Variants in MPHOSPH9 observed in about 807,000 individuals in gnomAD.
MPHOSPH9 encodes the protein M-phase phosphoprotein 9.
A neutral mutation model predicts 145.5 loss-of-function variants in MPHOSPH9; 88 were observed. The observed-to-expected ratio is 0.60, with a 90% CI of 0.51 to 0.72. MPHOSPH9 has a LOEUF of 0.72. MPHOSPH9 is among the 30% of genes least tolerant of loss of function. The pLI is 0.00. For synonymous variants in MPHOSPH9, 435 were observed against 486.2 expected (o/e 0.89, Z 1.39); for missense variants, 1,238 against 1,386.6 (o/e 0.89, Z 1.70).
chr12:123,224,434 G>A (rs974901803), intron 3 of MPHOSPH9, among the ~76,000 whole-genome samples: 3 of 151,558 alleles, frequency 2.0e-5, no homozygotes, highest in African/African-American at 4.8e-5. Context: ...GCACCCAGCC[G>A]AATTTTCATA....
intron 6 of MPHOSPH9, among the ~76,000 whole-genome samples, chr12:123,217,790 T>A (rs1259119641): frequency 6.6e-6 from 1 of 152,008 alleles, no homozygotes; most frequent in African/African-American, 2.4e-5. Flanking sequence ...ATGCCTATAA[T>A]CCCTGCACTT....
intron 8 of MPHOSPH9, among the ~76,000 whole-genome samples, chr12:123,208,681 GA>G (rs995321519): frequency 1.4e-4 from 22 of 151,978 alleles, no homozygotes; most frequent in African/African-American, 5.1e-4. Context: ...AATAGCTGAG[GA>G]CCTACTACAT....
intron 13 of MPHOSPH9, among the ~76,000 whole-genome samples, chr12:123,184,119 T>C (rs936357906): frequency 6.6e-6 from 1 of 151,500 alleles, no homozygotes; most frequent in Non-Finnish European, 1.5e-5. Flanking sequence ...GGCAGGAAGA[T>C]TCCTCGAGCC....
intron 16 of MPHOSPH9, among the ~76,000 whole-genome samples, chr12:123,169,856 C>T (rs1392657443): frequency 1.3e-5 from 2 of 152,034 alleles, no homozygotes; most frequent in African/African-American, 4.8e-5. Flanking sequence ...TCCCAAAGTG[C>T]TGGGATTACA....
chr12:123,221,956 C>T, intron 4 of MPHOSPH9, 61 bp from the exon 5 acceptor site: 1 of 848,452 alleles, frequency 1.2e-6, no homozygotes, highest in Non-Finnish European at 1.8e-6. Flanking sequence ...ATTTTTATGA[C>T]TGTTACAAGA....
chr12:123,238,541 C>A (rs984024922), intron 1 of MPHOSPH9, among the ~76,000 whole-genome samples: 10 of 151,940 alleles, frequency 6.6e-5, no homozygotes, highest in Non-Finnish European at 1.5e-4. Flanking sequence ...GAGACCGAGG[C>A]AGGCAGATTG....
At chr12:123,215,142 T>A (rs1265966981) in intron 6 of MPHOSPH9, among the ~76,000 whole-genome samples, 3 of 152,222 alleles carry the variant, frequency 2.0e-5, no homozygotes, top group Non-Finnish European at 4.4e-5. Context: ...CTCGGCAGGC[T>A]GACGCAGGAG....
intron 23 of MPHOSPH9, 74 bp downstream of exon 23, chr12:123,160,707 T>A (rs1238216052): frequency 1.3e-5 from 18 of 1,392,588 alleles, no homozygotes; most frequent in Non-Finnish European, 1.8e-5. Context: ...CATGATTTTT[T>A]AAACCCCTCT....
chr12:123,158,751 C>A lies in MPHOSPH9; in HGVS notation c.3451-1843G>T, dbSNP rs1173823821. Among the ~76,000 whole-genome samples, 5 of 152,240 alleles carry A rather than the reference C, an allele frequency of 3.3e-5. 1 individual carries two copies. In the East Asian group the frequency reaches 9.7e-4, roughly 29 times the overall value. On this transcript the variant is annotated intron_variant, in intron 23 of 23. Transcript: ENST00000606320. ...GGTTCAAGTGAACCTCCTGCCTCAG[C>A]CTCCAAGTAGCTGAGATTGCAGGCA...
rs1258964437 is a variant in MPHOSPH9, at chr12:123,156,170, GA to G, written c.*636del. ...AACTTTTTTAGAAAAGATAAAATTA[GA>G]GAATTACAATCTCTCTTTTTTCTCT... On this transcript the variant is annotated 3_prime_UTR_variant, in exon 24 of 24. Transcript: ENST00000606320. 1.3e-5 allele frequency: 2 copies of G among 152,166 alleles called. No homozygotes were observed. The highest frequency in any genetic ancestry group is 2.9e-5 in the Non-Finnish European group (2 of 68,026). The allele number at this position is 152,166 out of a possible 1,614,324, so 9.4% of individuals were successfully genotyped here.
chr12:123,226,759 G>A (rs2047453811), intron 3 of MPHOSPH9, among the ~76,000 whole-genome samples: 1 of 151,968 alleles, frequency 6.6e-6, no homozygotes, highest in Admixed American at 6.6e-5. Context: ...CTCCCAAGTA[G>A]CTAGGACTAC....
At chr12:123,235,610 GA>G (rs2047836662), upstream of MPHOSPH9, among the ~76,000 whole-genome samples, 1 of 150,490 alleles carries the variant, frequency 6.6e-6, no homozygotes, top group Non-Finnish European at 1.5e-5. Flanking sequence ...CTGACCTCAT[GA>G]TCCACCTGCC....
Position 123,230,282 on chromosome 12 carries a change from C to G in MPHOSPH9, c.83G>C (p.Gly28Ala). 1.3e-6 allele frequency: 2 copies of G among 1,529,070 alleles called. No individual in the cohort carries two copies. The highest frequency in any genetic ancestry group is 1.8e-6 in the Non-Finnish European group (2 of 1,141,638). The allele number at this position is 1,529,070 out of a possible 1,614,324, so 94.7% of individuals were successfully genotyped here. The change falls in exon 2 of 24, where the codon GGA (glycine) becomes GCA (alanine). Residue 28 changes from glycine (G) to alanine (A), a missense_variant. Gly to Ala is a moderately conservative substitution (Grantham distance 60). Coordinates refer to ENST00000606320, the MANE Select transcript of MPHOSPH9 (RefSeq NM_022782.4). ...GSDENSLHSL[G>A]LNLNTDRSSP... ...TTACCTATCAGTATTTAAGTTCAGT[C>G]CAAGAGAATGAAGAGAATTTTCATC...
intron 16 of MPHOSPH9, among the ~76,000 whole-genome samples, chr12:123,174,375 A>T (rs528327314): frequency 1.4e-5 from 2 of 142,800 alleles, no homozygotes; most frequent in Admixed American, 7.0e-5. Flanking sequence ...GACGACTCCA[A>T]TTTTTTTTTT....
At chr12:123,211,501 C>T (rs965876202) in intron 7 of MPHOSPH9, among the ~76,000 whole-genome samples, 2 of 151,530 alleles carry the variant, frequency 1.3e-5, no homozygotes, top group Admixed American at 1.3e-4. Flanking sequence ...TACAGGCACA[C>T]ACCACCAAGC....
intron 3 of MPHOSPH9, among the ~76,000 whole-genome samples, chr12:123,225,609 C>T (rs1480781811): frequency 6.6e-6 from 1 of 151,272 alleles, no homozygotes; most frequent in Non-Finnish European, 1.5e-5. Flanking sequence ...ACTTAAGATG[C>T]TAATGTCAAA....
chr12:123,194,388 C>G lies in MPHOSPH9; in HGVS notation c.2239G>C (p.Asp747His). The part of the protein sequence containing the change: ...QLKQENKMFQ[D>H]LLGEYESLGK... ...AGTTACTATTATTCGCTACTTACAT[C>G]TTGAAACATTTTGTTCTCTTGTTTT... is the stretch of plus-strand genomic sequence containing the variant. Residue 747 changes from aspartate (D) to histidine (H), a missense_variant and splice_region_variant, in exon 13 of 24, where the codon GAT becomes CAT. Asp to His is a moderately conservative substitution (Grantham distance 81). Coordinates refer to ENST00000606320, the MANE Select transcript of MPHOSPH9 (RefSeq NM_022782.4). 1 of 1,580,142 alleles carries G rather than the reference C, an allele frequency of 6.3e-7. No individual in the cohort carries two copies. The highest frequency in any genetic ancestry group is 8.6e-7 in the Non-Finnish European group (1 of 1,161,312).
At chr12:123,224,664 TG>T (rs748288112) in intron 3 of MPHOSPH9, among the ~76,000 whole-genome samples, 1 of 152,182 alleles carries the variant, frequency 6.6e-6, no homozygotes, top group East Asian at 1.9e-4. Context: ...TGGCATTTAG[TG>T]GGCAGGGTCC....
In MPHOSPH9 at chr12:123,154,487, T is replaced by G. The variant is rs1326340641; in HGVS notation, c.*2320A>C. On this transcript the variant is annotated 3_prime_UTR_variant, in exon 24 of 24. Transcript: ENST00000606320. ...ATAAGTGACTGATAGCTCCAATCTA[T>G]TACACACTTCAAATATCAAAGCATA... 2 of 152,190 alleles carry G rather than the reference T, an allele frequency of 1.3e-5. No individual in the cohort carries two copies. Among genetic ancestry groups the G allele is most frequent in the South Asian group, 4.1e-4 (2 of 4,826 alleles). 9.4% of individuals were successfully genotyped at this position (152,190 alleles called of 1,614,324 possible).
Sources: gnomAD v4.1 joint callset for allele counts (sites outside exome capture counted in the v4.1 genomes callset) on GRCh38, gnomAD v4.1.1 for gene constraint, MANE v1.5 for transcripts, NCBI Gene and HGNC (gene_info 2026-07-23, HGNC 2026-07-21) for gene names.